ABR: variants seen among roughly 807,000 people sequenced by gnomAD.
ABR encodes ABR activator of RhoGEF and GTPase, also known as active breakpoint cluster region-related protein.
A neutral mutation model predicts 107.2 loss-of-function variants in ABR; 35 were observed. That is an observed-to-expected ratio of 0.33 (90% confidence interval 0.25 to 0.43). The LOEUF is 0.43. Ranked by LOEUF, ABR falls within the 20% of genes least tolerant of loss-of-function variation. ABR has a pLI of 1.00. For missense variants in ABR, 815 were observed against 1,115.2 expected (o/e 0.73, Z 3.83); for synonymous variants, 498 against 462.0 (o/e 1.08, Z -1.00).
chr17:1,216,913 A>T (rs2043020972), intron 1 of ABR, among the ~76,000 whole-genome samples: 1 of 152,166 alleles, frequency 6.6e-6, no homozygotes, highest in Non-Finnish European at 1.5e-5. Context: ...GACAATGAGG[A>T]CAGGCGTGGG....
At position 1,070,258 on chromosome 17, in the gene ABR, A is replaced by G. The variant is rs182193436; in HGVS notation, c.895-168T>C. Among the ~76,000 whole-genome samples the G allele has an allele frequency of 5.3e-4, 81 of 152,114 alleles. No individual in the cohort carries two copies. In the East Asian group the frequency reaches 0.014, roughly 27 times the overall value. On this transcript the variant is annotated intron_variant, in intron 8 of 22. Coordinates refer to ENST00000302538, the MANE Select transcript of ABR (RefSeq NM_021962.5). This position sits in a 1 kb window ranked among gnomAD's most constrained non-coding sequence, Gnocchi z 4.2. ...GCACTGCCTTTGGAGTCACATGGGCATGGGTTTGAATGCCAACAGGCTTCT... is the reference window on the plus strand; with the variant it reads ...GCACTGCCTTTGGAGTCACATGGGCGTGGGTTTGAATGCCAACAGGCTTCT...
chr17:1,056,824 TCAGTAGA>T (rs2033332393), intron 13 of ABR, among the ~76,000 whole-genome samples, 167 bp downstream of exon 13: 2 of 152,160 alleles, frequency 1.3e-5, no homozygotes. Flanking sequence ...ATCTGGGAAC[TCAGTAGA>T]CAGTCACCCC....
In ABR at chr17:1,003,994, C is replaced by T. The variant is rs1001587870; in HGVS notation, c.*2086G>A. ...TATAAATATGAGCCTTTGCATTTCT[C>T]AGCCTTTGCAGCCTTCCCATAGCCT... On this transcript the variant is annotated 3_prime_UTR_variant, in exon 23 of 23. Transcript: ENST00000302538. 1 of 152,276 alleles carries T rather than the reference C, an allele frequency of 6.6e-6. No individual in the cohort carries two copies. The highest frequency in any genetic ancestry group is 2.4e-5 in the African/African-American group (1 of 41,458). The allele number at this position is 152,276 out of a possible 1,614,324, so 9.4% of individuals were successfully genotyped here. A position where few individuals can be genotyped will look rare whatever the true frequency, so the allele number is the denominator to read the frequency against.
At chr17:1,109,632 G>A (rs1472778418) in intron 2 of ABR, among the ~76,000 whole-genome samples, 1 of 151,966 alleles carries the variant, frequency 6.6e-6, no homozygotes, top group African/African-American at 2.4e-5. Flanking sequence ...GAGCAGGGGC[G>A]ACCCCCAGAG....
chr17:1,032,527 G>A (rs750348599), intron 16 of ABR, among the ~76,000 whole-genome samples: 1 of 114,302 alleles, frequency 8.7e-6, no homozygotes, highest in African/African-American at 3.3e-5. Flanking sequence ...AAAGGTTTCC[G>A]CTGCCAGGGG....
At chr17:1,222,968 G>A (rs918958092) in intron 1 of ABR, among the ~76,000 whole-genome samples, 5 of 151,750 alleles carry the variant, frequency 3.3e-5, no homozygotes, top group African/African-American at 7.3e-5. Flanking sequence ...TTGGGAGTCC[G>A]AGTCAGGCAG....
chr17:1,106,056 A>C (rs543767206), intron 2 of ABR, among the ~76,000 whole-genome samples: 2 of 152,344 alleles, frequency 1.3e-5, no homozygotes, highest in African/African-American at 4.8e-5. Flanking sequence ...CAAATGCAAC[A>C]TGACGCTGCT....
intron 16 of ABR, among the ~76,000 whole-genome samples, chr17:1,049,120 C>CT (rs929693913): frequency 2.6e-5 from 4 of 152,150 alleles, no homozygotes; most frequent in Admixed American, 2.0e-4. Flanking sequence ...ACACAGAGGC[C>CT]TTTTCCCTAT....
chr17:1,143,542 T>C (rs960747680), intron 1 of ABR, among the ~76,000 whole-genome samples: 64 of 82,768 alleles, frequency 7.7e-4, no homozygotes, highest in Middle Eastern at 7.1e-3. Flanking sequence ...GGACAGCTCA[T>C]TCCTGGGGGA....
chr17:1,110,614 C>A lies in ABR; in HGVS notation c.247-9879G>T, dbSNP rs565989808. The stretch of plus-strand genomic sequence containing the variant: ...GGCCCGAGTTCAGGCCACAGCCCCC[C>A]ACTCCCCCCAGAATTCTTCAGAAGC... On this transcript the variant is annotated intron_variant, in intron 2 of 22. Coordinates refer to ENST00000302538, the MANE Select transcript of ABR (RefSeq NM_021962.5). Among the ~76,000 whole-genome samples the A allele has an allele frequency of 8.5e-5, 13 of 152,352 alleles. 1 individual carries two copies. Among genetic ancestry groups the A allele is most frequent in the East Asian group, 1.9e-4 (1 of 5,190 alleles).
chr17:1,019,676 G>A (rs950652881), intron 16 of ABR, among the ~76,000 whole-genome samples: 2 of 152,284 alleles, frequency 1.3e-5, no homozygotes, highest in Non-Finnish European at 2.9e-5. Flanking sequence ...GAGAAACGCT[G>A]CTGCCCGCAA....
In ABR at chr17:1,054,663, G is replaced by A. The variant is rs186333368; in HGVS notation, c.1561+1372C>T. Among the ~76,000 whole-genome samples the A allele has an allele frequency of 2.8e-3, 84 of 29,718 alleles. 35 individuals carry two copies. Among genetic ancestry groups the A allele is most frequent in the African/African-American group, 6.9e-3 (52 of 7,488 alleles). The allele number at this position is 29,718 out of a possible 152,430, so 19.5% of individuals were successfully genotyped here. On this transcript the variant is annotated intron_variant, in intron 14 of 22. Transcript: ENST00000302538. ...GGAACCTCAGGGGATGGGGGCACAA[G>A]GAACCTGAGGGGATGGGGGCACAAG...
chr17:1,128,775 G>A (rs933899842), intron 1 of ABR, among the ~76,000 whole-genome samples: 2 of 148,866 alleles, frequency 1.3e-5, no homozygotes, highest in Admixed American at 6.8e-5. Flanking sequence ...ACCCCAGGAA[G>A]GTCTACCTCG....
chr17:1,015,852 G>A (rs1007601656), intron 16 of ABR, among the ~76,000 whole-genome samples: 4 of 152,230 alleles, frequency 2.6e-5, no homozygotes, highest in South Asian at 2.1e-4. Context: ...GCTTTAGTTC[G>A]CGTATCTATA....
chr17:1,160,674 G>A (rs1186494322), intron 1 of ABR, among the ~76,000 whole-genome samples: 2 of 152,326 alleles, frequency 1.3e-5, no homozygotes, highest in East Asian at 1.9e-4. Context: ...GAGCGCGTAC[G>A]AGGCTCTGGG....
chr17:1,131,996 C>T (rs1187680684), intron 1 of ABR, among the ~76,000 whole-genome samples: 3 of 147,080 alleles, frequency 2.0e-5, no homozygotes, highest in South Asian at 4.3e-4. Context: ...TCTTTGCACA[C>T]CAAATGCAGT....
intron 1 of ABR, among the ~76,000 whole-genome samples, chr17:1,214,460 T>C (rs1204967771): frequency 6.6e-6 from 1 of 152,138 alleles, no homozygotes; most frequent in Non-Finnish European, 1.5e-5. Flanking sequence ...CTACAGTTAA[T>C]AGCAATTTAA....
chr17:1,012,837 T>C, intron 17 of ABR, 40 bp from the exon 18 acceptor site: 1 of 1,502,886 alleles, frequency 6.7e-7, no homozygotes, highest in Admixed American at 2.0e-5. Flanking sequence ...CCCCAGGGTG[T>C]GAGTGCCCGA....
intron 16 of ABR, among the ~76,000 whole-genome samples, chr17:1,020,186 G>A (rs1338838663): frequency 3.3e-5 from 5 of 152,078 alleles, no homozygotes; most frequent in Non-Finnish European, 7.4e-5. Flanking sequence ...GGGTTCGAGC[G>A]ATTCTCCTGC....
Sources: allele counts gnomAD v4.1 joint callset (sites outside exome capture counted in the v4.1 genomes callset), GRCh38; gene constraint gnomAD v4.1.1; non-coding constraint Gnocchi (gnomAD v3.1); transcripts MANE v1.5; gene names NCBI Gene and HGNC (gene_info 2026-07-23, HGNC 2026-07-21).